Variants in ADAMTS20 observed in about 807,000 individuals in gnomAD.
ADAMTS20 encodes the protein ADAM metallopeptidase with thrombospondin type 1 motif 20, also known as A disintegrin and metalloproteinase with thrombospondin motifs 20.
A neutral mutation model predicts 260.1 loss-of-function variants in ADAMTS20; 225 were observed. That is an observed-to-expected ratio of 0.87 (90% confidence interval 0.78 to 0.97). ADAMTS20 has a LOEUF of 0.97. Among genes scored for constraint, ADAMTS20 ranks in the 50% least tolerant of loss-of-function variants. The pLI is 0.00. For synonymous variants in ADAMTS20, 802 were observed against 769.5 expected (o/e 1.04, Z -0.70); for missense variants, 2,400 against 2,337.7 (o/e 1.03, Z -0.55).
intron 11 of ADAMTS20, 50 bp from the exon 12 acceptor site, chr12:43,454,102 A>C: frequency 6.3e-7 from 1 of 1,575,288 alleles, no homozygotes; most frequent in Non-Finnish European, 8.6e-7. Context: ...TCTAATTAGA[A>C]CATCACAAAA....
At chr12:43,370,523 C>T (rs1940084373) in intron 36 of ADAMTS20, among the ~76,000 whole-genome samples, 1 of 152,188 alleles carries the variant, frequency 6.6e-6, no homozygotes, top group Non-Finnish European at 1.5e-5. Context: ...GTTACTAACT[C>T]CAAAAGCATG....
intron 28 of ADAMTS20, among the ~76,000 whole-genome samples, chr12:43,419,000 T>C (rs747196554): frequency 7.9e-5 from 12 of 152,174 alleles, no homozygotes; most frequent in Non-Finnish European, 1.6e-4. Flanking sequence ...AACCATATTT[T>C]AAAACTGCTA....
chr12:43,423,500 G>T, intron 28 of ADAMTS20: 1 of 527,672 alleles, frequency 1.9e-6, no homozygotes, highest in Non-Finnish European at 3.4e-6. Flanking sequence ...AGAAACAAAT[G>T]CCATTACAAT....
chr12:43,513,698 T>C (rs1465867515), intron 3 of ADAMTS20, among the ~76,000 whole-genome samples: 2 of 152,100 alleles, frequency 1.3e-5, no homozygotes, highest in Admixed American at 1.3e-4. Flanking sequence ...TAAGAAAATA[T>C]GGCACATATA....
rs747496684 is a variant in ADAMTS20, at chr12:43,420,800, CTTTTTTTTTTTT to C, written c.4284+4702_4284+4713del. 2.3e-4 allele frequency among the ~76,000 whole-genome samples: 13 copies of C among 55,494 alleles called. 1 individual carries two copies. The highest frequency in any genetic ancestry group is 8.1e-4 in the African/African-American group (11 of 13,594). 36.4% of individuals were successfully genotyped at this position (55,494 alleles called of 152,430 possible). On this transcript the variant is annotated intron_variant, in intron 28 of 38. Coordinates refer to ENST00000389420, the MANE Select transcript of ADAMTS20 (RefSeq NM_025003.5). The stretch of plus-strand genomic sequence containing the variant: ...TCTTCTTCTTCTCCTCCTCCTCCTT[CTTTTTTTTTTTT>C]TTTTTTTTTTTTTGAGATGGGGTCT...
In ADAMTS20 at chr12:43,551,189, C is replaced by T. The variant is rs1309699895; in HGVS notation, c.173G>A (p.Ser58Asn). The change falls in exon 2 of 39, where the codon AGC becomes AAC. Residue 58 changes from serine to asparagine, a missense_variant. Transcript: ENST00000389420. This position sits in a 1 kb window ranked among gnomAD's most constrained non-coding sequence, Gnocchi z 4.6. ...GCGTTTCTGCCGGCTGAAGTGGTGG[C>T]TCTGAGGGAACACTTCTCCAAACTC... Reference protein sequence around the residue: ...VNEFGEVFPQSHHFSRQKRSS... With the variant: ...VNEFGEVFPQNHHFSRQKRSS... 5.6e-6 allele frequency: 9 copies of T among 1,613,918 alleles called. No homozygotes were observed. The highest frequency in any genetic ancestry group is 4.5e-5 in the East Asian group (2 of 44,858).
chr12:43,412,298 T>C (rs1941046511), intron 28 of ADAMTS20, among the ~76,000 whole-genome samples: 1 of 152,226 alleles, frequency 6.6e-6, no homozygotes, highest in African/African-American at 2.4e-5. Context: ...TACTCTTCAG[T>C]AGAGAGAAAA....
chr12:43,511,804 A>T (rs1023167586), intron 3 of ADAMTS20, among the ~76,000 whole-genome samples: 1 of 152,140 alleles, frequency 6.6e-6, no homozygotes, highest in African/African-American at 2.4e-5. Context: ...CTTCACTAAC[A>T]TGCAACAATC....
rs563065392 is a variant in ADAMTS20 at position 43,483,274 on chromosome 12, G to T, written c.1117+7121C>A. Reference sequence around the variant, plus strand: ...CACGGTAGCCTGGCTCTCAGGGACTGCTAATTCTAGGGGGAAGGGGAGTGT... The same window carrying T: ...CACGGTAGCCTGGCTCTCAGGGACTTCTAATTCTAGGGGGAAGGGGAGTGT... On this transcript the variant is annotated intron_variant, in intron 7 of 38. Transcript: ENST00000389420. Among the ~76,000 whole-genome samples, 78 of 152,252 alleles carry T rather than the reference G, an allele frequency of 5.1e-4. 2 individuals carry two copies. Among genetic ancestry groups the T allele is most frequent in the African/African-American group, 1.7e-3 (72 of 41,550 alleles).
At chr12:43,491,268 TAGGC>T (rs1942595964) in intron 6 of ADAMTS20, among the ~76,000 whole-genome samples, 1 of 152,190 alleles carries the variant, frequency 6.6e-6, no homozygotes, top group Admixed American at 6.5e-5. Context: ...CTAGGGCCAG[TAGGC>T]TATACCATAT....
chr12:43,386,511 C>T (rs886737813), intron 29 of ADAMTS20, among the ~76,000 whole-genome samples: 15 of 152,142 alleles, frequency 9.9e-5, no homozygotes, highest in Non-Finnish European at 1.5e-5. Context: ...CTCTATATTT[C>T]CTGAATTTGA....
intron 38 of ADAMTS20, among the ~76,000 whole-genome samples, chr12:43,356,209 A>G (rs907998568): frequency 2.0e-5 from 3 of 152,202 alleles, no homozygotes; most frequent in Non-Finnish European, 2.9e-5. Context: ...GACAAAATCT[A>G]TATGTCCTGG....
chr12:43,423,335 C>T, intron 28 of ADAMTS20: 1 of 171,956 alleles, frequency 5.8e-6, no homozygotes, highest in Non-Finnish European at 1.2e-5. Flanking sequence ...GTACCTGGAC[C>T]ATAGTTTGCT....
At chr12:43,488,640 T>A (rs73085548) in intron 7 of ADAMTS20, among the ~76,000 whole-genome samples, 17,619 of 152,182 alleles carry the variant, frequency 0.12, 1,140 homozygotes, top group Admixed American at 0.21. Context: ...ATTATAAAGG[T>A]AGAAGCAAAA....
chr12:43,502,211 T>A lies in ADAMTS20; in HGVS notation c.808A>T (p.Lys270Ter), dbSNP rs1349606398. ...TTCGATCCATGAGCAGAAACCACTT[T>A]AGCATCAGCTGTAACCATAATTTCA... ...YIEIMVTADA[K>*]VVSAHGSNLQ... The change falls in exon 4 of 39, where the codon AAA (lysine) becomes TAA (stop). Residue 270 changes from lysine to a stop codon, truncating the protein, a stop_gained. Transcript: ENST00000389420. LOFTEE classifies it high-confidence loss of function. 1 of 1,610,888 alleles carries A rather than the reference T, an allele frequency of 6.2e-7. No homozygotes were observed. Among genetic ancestry groups the A allele is most frequent in the East Asian group, 2.2e-5 (1 of 44,712 alleles).
intron 7 of ADAMTS20, among the ~76,000 whole-genome samples, chr12:43,482,783 T>C (rs1942461370): frequency 6.6e-6 from 1 of 152,134 alleles, no homozygotes; most frequent in South Asian, 2.1e-4. Flanking sequence ...CTGGGTAACA[T>C]AAGGCAAGCA....
intron 29 of ADAMTS20, among the ~76,000 whole-genome samples, chr12:43,395,677 C>CTT (rs5797860): frequency 7.1e-3 from 647 of 90,608 alleles, no homozygotes; most frequent in African/African-American, 8.1e-3. Flanking sequence ...GTGTGAGATT[C>CTT]TTTTTTTTTT....
chr12:43,414,593 A>G (rs1258051450), intron 28 of ADAMTS20, among the ~76,000 whole-genome samples: 5 of 152,116 alleles, frequency 3.3e-5, no homozygotes, highest in Non-Finnish European at 7.4e-5. Flanking sequence ...GGAATAAACA[A>G]TTTAGCCATC....
intron 3 of ADAMTS20, among the ~76,000 whole-genome samples, chr12:43,524,869 A>G (rs1943120299): frequency 2.0e-5 from 3 of 152,234 alleles, no homozygotes; most frequent in African/African-American, 7.2e-5. Flanking sequence ...AAAACAATCC[A>G]AGTCTGGGAT....
Sources: gnomAD v4.1 joint callset for allele counts (sites outside exome capture counted in the v4.1 genomes callset) on GRCh38, gnomAD v4.1.1 for gene constraint, Gnocchi (gnomAD v3.1) non-coding constraint, MANE v1.5 for transcripts, NCBI Gene and HGNC (gene_info 2026-07-23, HGNC 2026-07-21) for gene names.